The following SLC35F4 variants were observed in gnomAD, a reference collection of about 807,000 sequenced individuals.
SLC35F4 encodes the protein chromosome 14 open reading frame 36.
Under a neutral mutation model 44.2 loss-of-function variants are expected in SLC35F4, and 24 were observed. The observed-to-expected ratio is 0.54, with a 90% CI of 0.39 to 0.76. The LOEUF is 0.76. Ranked by LOEUF, SLC35F4 falls within the 30% of genes least tolerant of loss-of-function variation. The pLI is 0.00. For synonymous variants in SLC35F4, 238 were observed against 223.6 expected (o/e 1.06, Z -0.57); for missense variants, 562 against 586.1 (o/e 0.96, Z 0.42).
At position 57,660,482 on chromosome 14, in the gene SLC35F4, C is replaced by T. The variant is rs188658329; in HGVS notation, c.104-66358G>A. Among the ~76,000 whole-genome samples, 64 of 149,980 alleles carry T rather than the reference C, an allele frequency of 4.3e-4. 1 individual carries two copies. Among genetic ancestry groups the T allele is most frequent in the Non-Finnish European group, 1.6e-4 (11 of 67,478 alleles). ...TGTGATCACTAGCCACCAAGATGGC[C>T]CCCATAATCTCTGTGTCCTGGTGTT... On this transcript the variant is annotated intron_variant, in intron 1 of 7. Transcript: ENST00000556826.
At chr14:57,742,585 G>A in intron 1 of SLC35F4, among the ~76,000 whole-genome samples, 1 of 152,162 alleles carries the variant, frequency 6.6e-6, no homozygotes, top group South Asian at 2.1e-4. Flanking sequence ...AGTTCTTAGA[G>A]ACGTACAAAG....
At chr14:57,963,856 G>C (rs1890384249) in intron 1 of SLC35F4, among the ~76,000 whole-genome samples, 1 of 151,190 alleles carries the variant, frequency 6.6e-6, no homozygotes, top group African/African-American at 2.4e-5. Context: ...ACATGTAGCT[G>C]AGACTACAGG....
chr14:57,599,671 G>A (rs1282928839), intron 1 of SLC35F4, among the ~76,000 whole-genome samples: 8 of 151,898 alleles, frequency 5.3e-5, no homozygotes, highest in Admixed American at 2.0e-4. Context: ...ATGAAACCCC[G>A]TCTCTACTAA....
chr14:57,704,786 C>T (rs1404829260), intron 1 of SLC35F4, among the ~76,000 whole-genome samples: 2 of 152,188 alleles, frequency 1.3e-5, no homozygotes, highest in Non-Finnish European at 2.9e-5. Context: ...ACCAAAATGT[C>T]TCATTTACTG....
intron 1 of SLC35F4, among the ~76,000 whole-genome samples, chr14:57,617,162 G>A (rs1431362997): frequency 8.5e-6 from 1 of 117,046 alleles, no homozygotes; most frequent in Non-Finnish European, 1.7e-5. Flanking sequence ...ACAGAGTCTC[G>A]CTCTGTCGCC....
At chr14:57,724,932 G>A (rs1339426538) in intron 1 of SLC35F4, among the ~76,000 whole-genome samples, 3 of 152,202 alleles carry the variant, frequency 2.0e-5, no homozygotes, top group Non-Finnish European at 4.4e-5. Flanking sequence ...TAAGTCATGG[G>A]CTGTAGCCAA....
intron 3 of SLC35F4, among the ~76,000 whole-genome samples, chr14:57,582,290 G>T (rs749907356): frequency 6.6e-6 from 1 of 152,066 alleles, no homozygotes; most frequent in South Asian, 2.1e-4. Flanking sequence ...CCGCCTCCCA[G>T]ACTCGAGCCA....
chr14:57,649,665 T>C (rs2073696745), intron 1 of SLC35F4, among the ~76,000 whole-genome samples: 2 of 152,176 alleles, frequency 1.3e-5, no homozygotes, highest in Admixed American at 1.3e-4. Context: ...TGTCACAGAC[T>C]ATGGAAATGG....
intron 1 of SLC35F4, among the ~76,000 whole-genome samples, chr14:57,811,666 C>T (rs1461899348): frequency 2.6e-5 from 4 of 152,208 alleles, no homozygotes; most frequent in Admixed American, 6.5e-5. Flanking sequence ...ATAACAAAAA[C>T]GATGGCTAGC....
intron 1 of SLC35F4, among the ~76,000 whole-genome samples, chr14:57,751,925 T>A (rs1208122647): frequency 6.6e-6 from 1 of 151,872 alleles, no homozygotes; most frequent in East Asian, 1.9e-4. Context: ...TCTCTCTCTC[T>A]CTCTCTCTCT....
intron 1 of SLC35F4, among the ~76,000 whole-genome samples, chr14:57,687,395 T>C (rs2075097907): frequency 6.6e-6 from 1 of 152,200 alleles, no homozygotes. Flanking sequence ...TGTGTATAAT[T>C]TGGAGCCACC....
At position 57,884,706 on chromosome 14, in the gene SLC35F4, G is replaced by A. The variant is rs568462566; in HGVS notation, n.282+97207C>T. ...AGTTTCAAGATTTTATACAGAGATG[G>A]TATTATGAATATATTATGTTGTTAT... On this transcript the variant is annotated intron_variant and non_coding_transcript_variant, in intron 1 of 1. Coordinates refer to the SLC35F4 transcript ENST00000556568. Among the ~76,000 whole-genome samples, 6 of 152,090 alleles carry A rather than the reference G, an allele frequency of 3.9e-5. No homozygotes were observed. In the South Asian group the frequency reaches 8.3e-4, roughly 21 times the overall value.
intron 1 of SLC35F4, among the ~76,000 whole-genome samples, chr14:57,849,902 A>C (rs1886405022): frequency 6.6e-6 from 1 of 152,224 alleles, no homozygotes; most frequent in Admixed American, 6.5e-5. Flanking sequence ...CACACCCCTG[A>C]GGAAACTTTG....
intron 1 of SLC35F4, among the ~76,000 whole-genome samples, chr14:57,820,325 G>A (rs1295070496): frequency 6.6e-6 from 1 of 152,160 alleles, no homozygotes; most frequent in South Asian, 2.1e-4. Context: ...CTAAATAAAT[G>A]TAGATAAGAG....
intron 1 of SLC35F4, among the ~76,000 whole-genome samples, chr14:57,650,344 A>G (rs961885453): frequency 6.6e-5 from 10 of 152,100 alleles, no homozygotes; most frequent in Non-Finnish European, 1.5e-5. Flanking sequence ...TCAAGCAGAA[A>G]TTGTTATTTT....
intron 1 of SLC35F4, among the ~76,000 whole-genome samples, chr14:57,671,008 G>A (rs149970169): frequency 1.3e-5 from 2 of 150,128 alleles, no homozygotes; most frequent in South Asian, 2.1e-4. Context: ...GGGTTCAAGC[G>A]GTTATCCTGC....
At chr14:57,799,905 G>A (rs866426995) in intron 1 of SLC35F4, among the ~76,000 whole-genome samples, 3 of 152,178 alleles carry the variant, frequency 2.0e-5, no homozygotes, top group East Asian at 1.9e-4. Flanking sequence ...CCATCTCTGC[G>A]GTTCAGTCAA....
chr14:57,742,957 T>C (rs2076653620), intron 1 of SLC35F4, among the ~76,000 whole-genome samples: 1 of 152,198 alleles, frequency 6.6e-6, no homozygotes, highest in African/African-American at 2.4e-5. Context: ...GTGAACAACC[T>C]GCTCCTGAAT....
intron 2 of SLC35F4, among the ~76,000 whole-genome samples, chr14:57,591,676 C>T (rs2070190633): frequency 6.6e-6 from 1 of 152,306 alleles, no homozygotes; most frequent in South Asian, 2.1e-4. Context: ...GCCTTCAGCC[C>T]TTAGCTTTCC....
Sources: gnomAD v4.1 joint callset for allele counts (sites outside exome capture counted in the v4.1 genomes callset) on GRCh38, gnomAD v4.1.1 for gene constraint, MANE v1.5 for transcripts, NCBI Gene and HGNC (gene_info 2026-07-23, HGNC 2026-07-21) for gene names.